ZCCHC14: variants seen among roughly 807,000 people sequenced by gnomAD.
ZCCHC14 encodes the protein zinc finger CCHC-type containing 14.
In ZCCHC14, 16 loss-of-function variants were observed where a neutral mutation model predicts 85.0. That is an observed-to-expected ratio of 0.19 (90% CI 0.13 to 0.29). The LOEUF is 0.29. ZCCHC14 is among the 10% of genes least tolerant of loss of function. The pLI, the probability that ZCCHC14 is intolerant of heterozygous loss-of-function variation, is 1.00. For synonymous variants in ZCCHC14, 775 were observed against 630.7 expected (o/e 1.23, Z -3.43); for missense variants, 1,303 against 1,443.5 (o/e 0.90, Z 1.58).
At chr16:87,472,595 G>A (rs1423255462) in intron 1 of ZCCHC14, 1 of 152,350 alleles carries the variant, frequency 6.6e-6, no homozygotes, top group Non-Finnish European at 1.5e-5. Context: ...TGACAGCGAG[G>A]GAACACACAG....
chr16:87,463,826 G>A lies in ZCCHC14; in HGVS notation c.571-3695C>T, dbSNP rs73242703. Among the ~76,000 whole-genome samples, 854 of 152,004 alleles carry A rather than the reference G, an allele frequency of 5.6e-3. 5 individuals carry two copies. The highest frequency in any genetic ancestry group is 0.02 in the African/African-American group (810 of 41,456). On this transcript the variant is annotated intron_variant, in intron 1 of 12. Coordinates refer to ENST00000671377, the MANE Select transcript of ZCCHC14 (RefSeq NM_015144.3). ...GGTGACAGAGCAAGACTCCGTCTCA[G>A]GAGAAAAAAAAACAAACAGAGTCTC...
chr16:87,412,292 C>T lies in ZCCHC14; in HGVS notation c.2429G>A (p.Arg810Gln), dbSNP rs781463931. ...GGTGTTGGCTGTGTACAGAGCAGTCCGGGGGTTTATTATTGCAGGGGGCAC... is the reference window on the plus strand; with the variant it reads ...GGTGTTGGCTGTGTACAGAGCAGTCTGGGGGTTTATTATTGCAGGGGGCAC... Reference protein sequence around the residue: ...ISVPPAIINPRTALYTANTKV... With the variant: ...ISVPPAIINPQTALYTANTKV... Residue 810 changes from arginine (R) to glutamine (Q), a missense_variant, in exon 12 of 13, where the codon CGG (arginine) becomes CAG (glutamine). Arg to Gln is a conservative substitution (Grantham distance 43). Coordinates refer to ENST00000671377, the MANE Select transcript of ZCCHC14 (RefSeq NM_015144.3). 6.2e-6 allele frequency: 10 copies of T among 1,613,694 alleles called. No homozygotes were observed. The highest frequency in any genetic ancestry group is 4.4e-5 in the South Asian group (4 of 91,090).
intron 4 of ZCCHC14, among the ~76,000 whole-genome samples, chr16:87,421,213 C>T (rs1478545775): frequency 6.6e-6 from 1 of 152,192 alleles, no homozygotes; most frequent in Non-Finnish European, 1.5e-5. Context: ...ATCGGTGGCA[C>T]CTGGGGACCG....
intron 2 of ZCCHC14, among the ~76,000 whole-genome samples, chr16:87,448,973 G>GT (rs1386205762): frequency 6.6e-6 from 1 of 152,202 alleles, no homozygotes; most frequent in African/African-American, 2.4e-5. Context: ...AGAAGCGACC[G>GT]TGTGCCGGCC....
At chr16:87,462,035 A>C (rs1911285209) in intron 1 of ZCCHC14, among the ~76,000 whole-genome samples, 1 of 151,638 alleles carries the variant, frequency 6.6e-6, no homozygotes, top group Non-Finnish European at 1.5e-5. Flanking sequence ...TGGGAGGCTG[A>C]GGCAGGAGGA....
In ZCCHC14 at chr16:87,408,901, G is replaced by A. The variant is rs553671712; in HGVS notation, c.*1379C>T. The A allele has an allele frequency of 6.6e-6, 1 of 152,582 alleles. No homozygotes were observed. Among genetic ancestry groups the A allele is most frequent in the Non-Finnish European group, 1.5e-5 (1 of 68,042 alleles). The allele number at this position is 152,582 out of a possible 1,614,324, so 9.5% of individuals were successfully genotyped here. A position where few individuals can be genotyped will look rare whatever the true frequency, so the allele number is the denominator to read the frequency against. ...CCCAACTGCAAGATTTTACCAATCA[G>A]TATTTTAACATTGAAGACTTTAGCA... is the stretch of plus-strand genomic sequence containing the variant. On this transcript the variant is annotated 3_prime_UTR_variant, in exon 13 of 13. Coordinates refer to ENST00000671377, the MANE Select transcript of ZCCHC14 (RefSeq NM_015144.3).
At chr16:87,433,292 C>G (rs1295200621) in intron 2 of ZCCHC14, 91 bp from the exon 3 acceptor site, 2 of 1,282,614 alleles carry the variant, frequency 1.6e-6, no homozygotes, top group Non-Finnish European at 2.2e-6. Flanking sequence ...GTTTTCAAAA[C>G]CAGGTTCTCA....
Position 87,492,598 on chromosome 16 carries a change from C to CTCGTCGTCG in ZCCHC14, c.-369_-361dup, listed in dbSNP as rs998922540. ...TGCGCGGCGGCGGCGGCGGCTGCTCCTCGTCGTCGTCGTCGTCGTCGCCCG... is the reference window on the plus strand; with the variant it reads ...TGCGCGGCGGCGGCGGCGGCTGCTCCTCGTCGTCGTCGTCGTCGTCGTCGTCGTCGCCCG... On this transcript the variant is annotated 5_prime_UTR_variant, in exon 1 of 13. Transcript: ENST00000671377. This position sits in a 1 kb window ranked among gnomAD's most constrained non-coding sequence, Gnocchi z 6.7. 1.4e-5 allele frequency: 2 copies of CTCGTCGTCG among 147,104 alleles called. No homozygotes were observed. Among genetic ancestry groups the CTCGTCGTCG allele is most frequent in the African/African-American group, 2.5e-5 (1 of 40,674 alleles). 9.1% of individuals were successfully genotyped at this position (147,104 alleles called of 1,614,324 possible). A position where few individuals can be genotyped will look rare whatever the true frequency, so the allele number is the denominator to read the frequency against.
chr16:87,414,449 C>T lies in ZCCHC14; in HGVS notation c.1568G>A (p.Gly523Glu). Residue 523 changes from glycine to glutamate, a missense_variant, in exon 10 of 13, where the codon GGG (glycine) becomes GAG (glutamate). Coordinates refer to ENST00000671377, the MANE Select transcript of ZCCHC14 (RefSeq NM_015144.3). ...VARVPPTSHV[G>E]PVQSGRGSHA... ...GCTGCCCCGCCCCGACTGCACGGGCCCGACGTGGCTGGTGGGGGGCACTCG... is the reference window on the plus strand; with the variant it reads ...GCTGCCCCGCCCCGACTGCACGGGCTCGACGTGGCTGGTGGGGGGCACTCG... 1 of 1,613,508 alleles carries T rather than the reference C, an allele frequency of 6.2e-7. No homozygotes were observed. The highest frequency in any genetic ancestry group is 1.7e-5 in the Admixed American group (1 of 60,032).
Position 87,492,298 on chromosome 16 carries a change from G to A in ZCCHC14, c.-60C>T, listed in dbSNP as rs1597190935. On this transcript the variant is annotated 5_prime_UTR_variant, in exon 1 of 13. Coordinates refer to ENST00000671377, the MANE Select transcript of ZCCHC14 (RefSeq NM_015144.3). This position sits in a 1 kb window ranked among gnomAD's most constrained non-coding sequence, Gnocchi z 6.7. Reference sequence around the variant, plus strand: ...GGGACCGCGCGGGGGCGGCCGGGGGGCGCCGGGGGCCGCGGCCGGGGCGCG... The same window carrying A: ...GGGACCGCGCGGGGGCGGCCGGGGGACGCCGGGGGCCGCGGCCGGGGCGCG... 2.2e-6 allele frequency: 2 copies of A among 926,436 alleles called. No individual in the cohort carries two copies. Among genetic ancestry groups the A allele is most frequent in the Non-Finnish European group, 2.6e-6 (2 of 780,128 alleles). 57.4% of individuals were successfully genotyped at this position (926,436 alleles called of 1,614,324 possible).
At chr16:87,470,087 C>T (rs1911711293) in intron 1 of ZCCHC14, among the ~76,000 whole-genome samples, 1 of 151,984 alleles carries the variant, frequency 6.6e-6, no homozygotes, top group Non-Finnish European at 1.5e-5. Context: ...AATCCCAGCA[C>T]TTTGGGAGGC....
chr16:87,467,337 G>T, intron 1 of ZCCHC14: 6 of 1,592,584 alleles, frequency 3.8e-6, no homozygotes, highest in Non-Finnish European at 5.2e-6. Flanking sequence ...AACAGAAAAA[G>T]ATTTCATCCA....
chr16:87,436,630 C>A (rs1490739046), intron 2 of ZCCHC14, among the ~76,000 whole-genome samples: 1 of 152,236 alleles, frequency 6.6e-6, no homozygotes, highest in Non-Finnish European at 1.5e-5. Context: ...CGGGCTTACG[C>A]CTAAGTGATG....
chr16:87,423,852 T>C lies in ZCCHC14; in HGVS notation c.798A>G (p.Ser266=), dbSNP rs199617237. The part of the protein sequence containing the change: ...EVLWSDSSIT[S]VTKSSSEVTE... ...TCACTTCAGAGGAAGATTTGGTTAC[T>C]GATGTTATTGAAGAATCAGACCACA... The change falls in exon 4 of 13, where the codon TCA becomes TCG. Residue 266 remains serine (S), a synonymous_variant. Transcript: ENST00000671377. The C allele has an allele frequency of 1.2e-6, 2 of 1,614,188 alleles. No individual in the cohort carries two copies. Among genetic ancestry groups the C allele is most frequent in the East Asian group, 4.5e-5 (2 of 44,880 alleles).
intron 2 of ZCCHC14, among the ~76,000 whole-genome samples, chr16:87,433,606 T>C (rs1223776634): frequency 6.6e-6 from 1 of 152,218 alleles, no homozygotes; most frequent in African/African-American, 2.4e-5. Flanking sequence ...ACTGTGACTG[T>C]TTAAGACAAT....
chr16:87,446,558 T>A (rs1187555677), intron 2 of ZCCHC14, among the ~76,000 whole-genome samples: 1 of 152,158 alleles, frequency 6.6e-6, no homozygotes, highest in African/African-American at 2.4e-5. Context: ...CCTGGCCCTT[T>A]ACAGAAAACG....
intron 11 of ZCCHC14, 27 bp from the exon 12 acceptor site, chr16:87,413,003 T>C: frequency 1.2e-6 from 2 of 1,613,976 alleles, no homozygotes; most frequent in African/African-American, 2.7e-5. Flanking sequence ...GAGTGGTCAG[T>C]GCCATTCCAC....
At chr16:87,415,438 T>G in intron 8 of ZCCHC14, 71 bp from the exon 9 acceptor site, 1 of 1,310,818 alleles carries the variant, frequency 7.6e-7, no homozygotes, top group Non-Finnish European at 1.1e-6. Flanking sequence ...GAACTTGGAG[T>G]TGAATTCAGT....
At chr16:87,422,757 A>C (rs1190296379) in intron 4 of ZCCHC14, among the ~76,000 whole-genome samples, 1 of 151,986 alleles carries the variant, frequency 6.6e-6, no homozygotes. Context: ...AAACAAAACA[A>C]AACACTGAGA....
Sources: gnomAD v4.1 joint callset for allele counts (sites outside exome capture counted in the v4.1 genomes callset) on GRCh38, gnomAD v4.1.1 for gene constraint, Gnocchi (gnomAD v3.1) non-coding constraint, MANE v1.5 for transcripts, NCBI Gene and HGNC (gene_info 2026-07-23, HGNC 2026-07-21) for gene names.